The following TP53BP1 variants were observed in gnomAD, a reference collection of about 807,000 sequenced individuals.
The protein encoded by TP53BP1 is tumor protein p53 binding protein 1.
A neutral mutation model predicts 200.8 loss-of-function variants in TP53BP1; 61 were observed. The ratio of observed to expected loss-of-function variants is 0.30; its 90% CI spans 0.25 to 0.38. The LOEUF (loss-of-function observed/expected upper bound fraction) is 0.38, where lower values mean the gene tolerates loss of function less well. Among genes scored for constraint, TP53BP1 ranks in the 10% least tolerant of loss-of-function variants. The probability of loss-of-function intolerance (pLI) is 1.00; values close to 1 mark genes in which losing one functional copy is unlikely to be tolerated. For missense variants in TP53BP1, 2,144 were observed against 2,371.9 expected (o/e 0.90, Z 2.00); for synonymous variants, 822 against 844.3 (o/e 0.97, Z 0.46).
Position 43,446,365 on chromosome 15 carries a change from C to G in TP53BP1, c.3040+22G>C, listed in dbSNP as rs551693018. 3.8e-6 allele frequency: 6 copies of G among 1,599,332 alleles called. No homozygotes were observed. In the African/African-American group the frequency reaches 8.0e-5, roughly 21 times the overall value. On this transcript the variant is annotated intron_variant, in intron 14 of 27. Coordinates refer to ENST00000382044, the MANE Select transcript of TP53BP1 (RefSeq NM_001141980.3). ...CAGATAATCTGCAGCTACTAATTAC[C>G]CAAGATTAACATAAAACTTACTTTC... is the stretch of plus-strand genomic sequence containing the variant.
chr15:43,440,880 T>TTCTG (rs1257939091), intron 15 of TP53BP1, among the ~76,000 whole-genome samples: 4 of 152,040 alleles, frequency 2.6e-5, no homozygotes, highest in African/African-American at 9.7e-5. Context: ...CAGAGCAAGA[T>TTCTG]TCTGTCTCAA....
At chr15:43,410,093 C>T (rs903262115) in intron 24 of TP53BP1, among the ~76,000 whole-genome samples, 5 of 152,184 alleles carry the variant, frequency 3.3e-5, no homozygotes, top group Non-Finnish European at 7.3e-5. Context: ...AGGAAGTTCC[C>T]TTTGTGTCTA....
At chr15:43,450,540 T>G (rs564287713) in intron 12 of TP53BP1, among the ~76,000 whole-genome samples, 2 of 152,196 alleles carry the variant, frequency 1.3e-5, no homozygotes, top group African/African-American at 4.8e-5. Flanking sequence ...AGACTATTAC[T>G]TATGGATTTA....
intron 24 of TP53BP1, 36 bp downstream of exon 24, chr15:43,413,083 A>C (rs767870535): frequency 1.1e-5 from 18 of 1,601,774 alleles, no homozygotes; most frequent in Admixed American, 8.4e-5. Context: ...AGAAGTGCCT[A>C]TGTGTCAGAG....
chr15:43,495,495 T>TCACTCACACACA (rs2079176977), upstream of TP53BP1, among the ~76,000 whole-genome samples: 1 of 133,352 alleles, frequency 7.5e-6, no homozygotes, highest in Non-Finnish European at 1.6e-5. Context: ...TGAGACTCCG[T>TCACTCACACACA]CACACACACA....
chr15:43,441,464 C>T, intron 15 of TP53BP1, 62 bp downstream of exon 15: 1 of 1,084,042 alleles, frequency 9.2e-7, no homozygotes. Context: ...TGTTGATAAA[C>T]CATCTACCCT....
chr15:43,458,039 C>A (rs2467742), intron 11 of TP53BP1, among the ~76,000 whole-genome samples: 69,507 of 151,498 alleles, frequency 0.46, 20,668 homozygotes, highest in African/African-American at 0.85. Context: ...AATAATAATA[C>A]TAATAATAAT....
intron 12 of TP53BP1, among the ~76,000 whole-genome samples, chr15:43,449,120 G>A (rs566965004): frequency 7.9e-5 from 12 of 152,064 alleles, no homozygotes; most frequent in South Asian, 2.1e-4. Flanking sequence ...GAGCGAGACC[G>A]TGCCTCAAAA....
At chr15:43,480,196 C>A (rs1473341974) in intron 5 of TP53BP1, among the ~76,000 whole-genome samples, 179 bp from the exon 6 acceptor site, 1 of 152,202 alleles carries the variant, frequency 6.6e-6, no homozygotes, top group Non-Finnish European at 1.5e-5. Flanking sequence ...CACCTATAAT[C>A]CCGGCATTTG....
Position 43,420,665 on chromosome 15 carries a change from A to G in TP53BP1, c.4321T>C (p.Phe1441Leu). The stretch of plus-strand genomic sequence containing the variant: ...GGCACTCGGGGCACGACACGGCTGA[A>G]GGATTTATCATCTGGTGACAAGTTA... ...SPNLSPDDKSFSRVVPRVPDS... is the reference protein window; with the variant it reads ...SPNLSPDDKSLSRVVPRVPDS... Residue 1441 changes from phenylalanine (F) to leucine (L), a missense_variant, in exon 21 of 28, where the codon TTC (phenylalanine) becomes CTC (leucine). Physicochemically the swap from Phe to Leu is conservative, Grantham distance 22. Around this residue, in one of 4 missense-constraint regions of TP53BP1, gnomAD observed 1,700 missense variants for 1,710.3 expected, o/e 0.99. Transcript: ENST00000382044. The G allele has an allele frequency of 1.2e-6, 2 of 1,614,240 alleles. No homozygotes were observed.
intron 18 of TP53BP1, among the ~76,000 whole-genome samples, chr15:43,422,672 C>T (rs2045431546): frequency 6.6e-6 from 1 of 152,082 alleles, no homozygotes; most frequent in Admixed American, 6.6e-5. Context: ...AATAACTGAT[C>T]AAGGCAATAG....
Position 43,421,909 on chromosome 15 carries a change from G to A in TP53BP1, c.4046C>T (p.Thr1349Ile), listed in dbSNP as rs764634218. The change falls in exon 19 of 28, where the codon ACA becomes ATA. Residue 1349 changes from threonine to isoleucine, a missense_variant. Physicochemically the swap from Thr to Ile is moderately conservative, Grantham distance 89. Transcript: ENST00000382044. Reference sequence around the variant, plus strand: ...GGGTAAGGCAAAATCTGCGGGTTCTGTCCCGCTGGTTTTCCCTCTGAGTGG... The same window carrying A: ...GGGTAAGGCAAAATCTGCGGGTTCTATCCCGCTGGTTTTCCCTCTGAGTGG... ...AGPLRGKTSG[T>I]EPADFALPSS... The A allele has an allele frequency of 5.0e-6, 8 of 1,614,076 alleles. No homozygotes were observed. In the African/African-American group the frequency reaches 8.0e-5, roughly 16 times the overall value.
intron 1 of TP53BP1, among the ~76,000 whole-genome samples, chr15:43,498,745 A>G (rs576083035): frequency 6.6e-6 from 1 of 152,350 alleles, no homozygotes; most frequent in African/African-American, 2.4e-5. Flanking sequence ...TCTGTAGATT[A>G]GTAACGAATC....
In TP53BP1 at chr15:43,480,952, CCTT is replaced by C; in HGVS notation, c.439_441del (p.Lys147del). On this transcript the variant is annotated inframe_deletion, in exon 5 of 28. Transcript: ENST00000382044. ...GAAGTATCTTCTTCCTTCTCTTTCT[CCTT>C]CTGTTCCAACTCTTCTCCCTTCTCT... The C allele has an allele frequency of 6.2e-7, 1 of 1,614,114 alleles. No individual in the cohort carries two copies. The highest frequency in any genetic ancestry group is 1.3e-5 in the African/African-American group (1 of 75,056).
intron 12 of TP53BP1, among the ~76,000 whole-genome samples, chr15:43,455,325 G>A (rs1413341122): frequency 6.6e-6 from 1 of 151,836 alleles, no homozygotes; most frequent in Non-Finnish European, 1.5e-5. Context: ...AAAAAAAACA[G>A]ATTGGTACAA....
chr15:43,443,194 A>T (rs1027090141), intron 14 of TP53BP1, among the ~76,000 whole-genome samples: 3 of 152,194 alleles, frequency 2.0e-5, no homozygotes, highest in African/African-American at 7.2e-5. Context: ...ATAAGAAGTT[A>T]AAAAAGTATG....
In TP53BP1 at chr15:43,438,351, C is replaced by A. The variant is rs965818216; in HGVS notation, c.3164G>T (p.Ser1055Ile). Residue 1055 changes from serine (S) to isoleucine (I), a missense_variant, in exon 16 of 28, where the codon AGT becomes ATT. Physicochemically the swap from Ser to Ile is moderately radical, Grantham distance 142 (BLOSUM62 -2). This residue lies in a region of TP53BP1 where 1,700 missense variants were observed against 1,710.3 expected (regional missense o/e 0.99). Transcript: ENST00000382044. ...GATGGGTGTGGTGGGGGGATCCTCA[C>A]TTCGAGCCTCATTCTCTTGCCTGGC... is the stretch of plus-strand genomic sequence containing the variant. ...CEARQENEARSEDPPTTPIRG... is the reference protein window; with the variant it reads ...CEARQENEARIEDPPTTPIRG... 2 of 1,613,900 alleles carry A rather than the reference C, an allele frequency of 1.2e-6. No individual in the cohort carries two copies. Among genetic ancestry groups the A allele is most frequent in the Middle Eastern group, 3.3e-4 (2 of 6,062 alleles).
chr15:43,479,590 C>A, intron 6 of TP53BP1, 64 bp from the exon 7 acceptor site: 2 of 1,511,640 alleles, frequency 1.3e-6, no homozygotes, highest in Non-Finnish European at 1.8e-6. Context: ...GATACAGTCC[C>A]AGATGTTTTT....
chr15:43,438,805 AATGCAAT>A (rs2045861177), intron 15 of TP53BP1, among the ~76,000 whole-genome samples: 1 of 151,820 alleles, frequency 6.6e-6, no homozygotes, highest in African/African-American at 2.4e-5. Flanking sequence ...GATATAATCA[AATGCAAT>A]ATGCAGACCT....
Sources: gnomAD v4.1 joint callset for allele counts (sites outside exome capture counted in the v4.1 genomes callset) on GRCh38, gnomAD v4.1.1 for gene constraint, gnomAD v4.1.1 regional missense constraint, MANE v1.5 for transcripts, NCBI Gene and HGNC (gene_info 2026-07-23, HGNC 2026-07-21) for gene names.